DEFB109B: variants seen among roughly 807,000 people sequenced by gnomAD.
The protein encoded by DEFB109B is beta-defensin 109B.
chr8:7,309,554 G>C (rs1168271648), upstream of DEFB109B, among the ~76,000 whole-genome samples: 1 of 147,166 alleles, frequency 6.8e-6, no homozygotes, highest in African/African-American at 2.7e-5. Context: ...TTCTAAATTA[G>C]AACTTAAACA....
intron 1 of DEFB109B, among the ~76,000 whole-genome samples, chr8:7,315,755 T>G (rs1802879464): frequency 7.0e-6 from 1 of 143,430 alleles, no homozygotes; most frequent in Non-Finnish European, 1.5e-5. Context: ...GATCCGTTCT[T>G]TTTTCAGTAG....
chr8:7,312,893 CT>C lies in DEFB109B; in HGVS notation n.50del, dbSNP rs1292263230. 9.0e-5 allele frequency: 12 copies of C among 132,956 alleles called. 2 individuals are homozygous for C. The highest frequency in any genetic ancestry group is 5.1e-4 in the African/African-American group (12 of 23,758). 8.2% of individuals were successfully genotyped at this position (132,956 alleles called of 1,614,324 possible). A position where few individuals can be genotyped will look rare whatever the true frequency, so the allele number is the denominator to read the frequency against. ...TTATTCTCCTTCTTTTTTCAATTCT[CT>C]TATCCCCAGGTAAGTTGGTAGCTCA... is the stretch of plus-strand genomic sequence containing the variant. On this transcript the variant is annotated non_coding_transcript_exon_variant, in exon 1 of 2. Transcript: ENST00000382656.
chr8:7,315,406 G>C (rs1414157216), intron 1 of DEFB109B, among the ~76,000 whole-genome samples: 1 of 138,060 alleles, frequency 7.2e-6, no homozygotes, highest in Non-Finnish European at 1.5e-5. Flanking sequence ...GGCTGAGGCA[G>C]GACAATCACT....
chr8:7,313,641 A>G lies in DEFB109B; in HGVS notation n.58+738A>G, dbSNP rs1043465888. Among the ~76,000 whole-genome samples, 11 of 146,222 alleles carry G rather than the reference A, an allele frequency of 7.5e-5. 2 individuals are homozygous for G. The highest frequency in any genetic ancestry group is 2.5e-4 in the African/African-American group (9 of 35,824). The stretch of plus-strand genomic sequence containing the variant: ...ACAGAAATGGGTAACATAACTTTCA[A>G]TACAAAAATGGCTAAAATTTACTGG... On this transcript the variant is annotated intron_variant and non_coding_transcript_variant, in intron 1 of 1. Transcript: ENST00000382656.
chr8:7,316,702 C>G (rs1187495503), intron 1 of DEFB109B, among the ~76,000 whole-genome samples: 2 of 144,896 alleles, frequency 1.4e-5, no homozygotes, highest in Non-Finnish European at 2.9e-5. Flanking sequence ...TCTTGGCTCA[C>G]TACAACCTCC....
chr8:7,312,520 C>T (rs1212830315), upstream of DEFB109B, among the ~76,000 whole-genome samples: 1 of 146,092 alleles, frequency 6.8e-6, no homozygotes, highest in African/African-American at 2.8e-5. Flanking sequence ...ACTATATTGC[C>T]TGGCAAACAA....
chr8:7,316,616 T>TTTTGG (rs1802943661), intron 1 of DEFB109B, among the ~76,000 whole-genome samples: 1 of 128,992 alleles, frequency 7.8e-6, no homozygotes, highest in South Asian at 2.3e-4. Context: ...TAGAACTGCA[T>TTTTGG]TTTGGTTTTG....
chr8:7,318,813 G>C lies in DEFB109B; in HGVS notation n.59-933G>C, dbSNP rs965416995. ...TTAAATTATCTTTGTTGTAATAAAG[G>C]TCATCTGGAGGAAATACTGGTCTGA... On this transcript the variant is annotated intron_variant and non_coding_transcript_variant, in intron 1 of 1. Transcript: ENST00000382656. 7.6e-5 allele frequency: 11 copies of C among 145,372 alleles called. 1 individual carries two copies. Among genetic ancestry groups the C allele is most frequent in the Admixed American group, 7.3e-4 (11 of 15,154 alleles). 9.0% of individuals were successfully genotyped at this position (145,372 alleles called of 1,614,324 possible).
intron 1 of DEFB109B, among the ~76,000 whole-genome samples, chr8:7,315,672 C>T (rs1390613371): frequency 1.5e-5 from 2 of 131,932 alleles, no homozygotes; most frequent in African/African-American, 7.5e-5. Context: ...CACTTGTTTC[C>T]TTCTTATCTC....
At chr8:7,319,973 C>T (rs1297969419), downstream of DEFB109B, 3 of 59,126 alleles carry the variant, frequency 5.1e-5, no homozygotes. Flanking sequence ...AATAAAAATA[C>T]ATCAAAAGTG....
chr8:7,316,771 T>G (rs1227725632), intron 1 of DEFB109B, among the ~76,000 whole-genome samples: 1 of 140,342 alleles, frequency 7.1e-6, no homozygotes, highest in Non-Finnish European at 1.5e-5. Flanking sequence ...GGACTACAAG[T>G]GTCCACCACC....
At chr8:7,310,005 C>T (rs1015853929), upstream of DEFB109B, among the ~76,000 whole-genome samples, 3 of 19,864 alleles carry the variant, frequency 1.5e-4, no homozygotes, top group Non-Finnish European at 3.1e-4. Flanking sequence ...TTGGTGAACC[C>T]AGACTTTTCT....
At chr8:7,318,616 A>G (rs1234538159) in intron 1 of DEFB109B, 1 of 130,570 alleles carries the variant, frequency 7.7e-6, no homozygotes, top group Non-Finnish European at 1.5e-5. Context: ...TTAATGTATA[A>G]TAAACCCTTA....
At chr8:7,316,892 C>T (rs1209877011) in intron 1 of DEFB109B, among the ~76,000 whole-genome samples, 12 of 127,974 alleles carry the variant, frequency 9.4e-5, no homozygotes, top group Admixed American at 3.0e-4. Context: ...CCACCCGCCT[C>T]GGCCTCCCAA....
At chr8:7,311,770 G>A (rs1407768386), upstream of DEFB109B, among the ~76,000 whole-genome samples, 3 of 19,574 alleles carry the variant, frequency 1.5e-4, no homozygotes. Context: ...AGACAAGATA[G>A]CCTATGATGT....
At position 7,316,696 on chromosome 8, in the gene DEFB109B, G is replaced by A. The variant is rs1449636137; in HGVS notation, n.59-3050G>A. Among the ~76,000 whole-genome samples, 9 of 144,438 alleles carry A rather than the reference G, an allele frequency of 6.2e-5. 1 individual carries two copies. Among genetic ancestry groups the A allele is most frequent in the African/African-American group, 1.5e-4 (5 of 34,444 alleles). The allele number at this position is 144,438 out of a possible 152,430, so 94.8% of individuals were successfully genotyped here. A position where few individuals can be genotyped will look rare whatever the true frequency, so the allele number is the denominator to read the frequency against. ...GGCTGGAATGCAGTGTTGCAATCTT[G>A]GCTCACTACAACCTCCACCTCCTGG... On this transcript the variant is annotated intron_variant and non_coding_transcript_variant, in intron 1 of 1. Transcript: ENST00000382656.
chr8:7,319,895 C>G (rs71509288), exon 2 of DEFB109B: 1,514 of 74,358 alleles, frequency 0.02, 24 homozygotes, highest in Non-Finnish European at 0.025. Flanking sequence ...AATGCCAATT[C>G]CAACACCACT....
chr8:7,319,235 C>CAAAAA (rs1193696050), intron 1 of DEFB109B: 1 of 75,062 alleles, frequency 1.3e-5, no homozygotes, highest in East Asian at 3.4e-4. Flanking sequence ...GTGAAGCCAA[C>CAAAAA]AAAAAAAAAA....
chr8:7,315,276 G>A (rs954733893), intron 1 of DEFB109B, among the ~76,000 whole-genome samples: 4 of 128,118 alleles, frequency 3.1e-5, no homozygotes, highest in African/African-American at 1.7e-4. Context: ...CCAGCACTTT[G>A]GGAGGCCGAG....
Sources: gnomAD v4.1 joint callset for allele counts (sites outside exome capture counted in the v4.1 genomes callset) on GRCh38, gnomAD v4.1.1 for gene constraint, MANE v1.5 for transcripts, NCBI Gene and HGNC (gene_info 2026-07-23, HGNC 2026-07-21) for gene names.